NAALADL2: variants seen among roughly 807,000 people sequenced by gnomAD.
NAALADL2 encodes the protein inactive N-acetylated-alpha-linked acidic dipeptidase-like protein 2.
A neutral mutation model predicts 87.2 loss-of-function variants in NAALADL2; 76 were observed. The observed-to-expected ratio is 0.87, with a 90% CI of 0.72 to 1.05. NAALADL2 has a LOEUF of 1.05. Ranked by LOEUF, NAALADL2 falls within the 50% of genes least tolerant of loss-of-function variation. The pLI, the probability that NAALADL2 is intolerant of heterozygous loss-of-function variation, is 0.00. For synonymous variants in NAALADL2, 354 were observed against 331.0 expected (o/e 1.07, Z -0.75); for missense variants, 1,089 against 945.8 (o/e 1.15, Z -1.99).
intron 1 of NAALADL2, among the ~76,000 whole-genome samples, chr3:174,541,950 G>A (rs926698712): frequency 1.3e-5 from 2 of 152,136 alleles, no homozygotes; most frequent in African/African-American, 4.8e-5. Context: ...ACTACTTCTT[G>A]CAGAGCAGGG....
rs544352861 is a variant in NAALADL2, at chr3:175,471,088, T to A, written c.1534-551T>A. On this transcript the variant is annotated intron_variant, in intron 8 of 13. Coordinates refer to ENST00000454872, the MANE Select transcript of NAALADL2 (RefSeq NM_207015.3). Reference sequence around the variant, plus strand: ...TAAAATTTGACTTTTGTCAGGAACATGCTTTAATATATTTTATTATATATC... The same window carrying A: ...TAAAATTTGACTTTTGTCAGGAACAAGCTTTAATATATTTTATTATATATC... Among the ~76,000 whole-genome samples, 21 of 152,284 alleles carry A rather than the reference T, an allele frequency of 1.4e-4. No homozygotes were observed. In the East Asian group the frequency reaches 4.1e-3, roughly 29 times the overall value.
intron 1 of NAALADL2, among the ~76,000 whole-genome samples, chr3:174,452,685 C>G (rs1372153531): frequency 6.6e-6 from 1 of 151,974 alleles, no homozygotes; most frequent in Non-Finnish European, 1.5e-5. Flanking sequence ...CCTTAAAATC[C>G]TCCAGAAGCC....
At chr3:175,607,720 AGACGTT>A in intron 10 of NAALADL2, among the ~76,000 whole-genome samples, 1 of 152,172 alleles carries the variant, frequency 6.6e-6, no homozygotes, top group Non-Finnish European at 1.5e-5. Context: ...AAAAGAGGGA[AGACGTT>A]GACTCTTAAT....
rs527573658 is a variant in NAALADL2, at chr3:174,537,532, G to A, written c.-183-13037G>A. Among the ~76,000 whole-genome samples, 3 of 152,258 alleles carry A rather than the reference G, an allele frequency of 2.0e-5. No homozygotes were observed. The East Asian group carries it at 5.8e-4, about 29-fold the overall frequency. On this transcript the variant is annotated intron_variant, in intron 1 of 3. Transcript: ENST00000434257. ...TTGAAGACATGATTGCGAAGAATAT[G>A]TACCTACTCTTGAGGAGTTTAAAGT...
chr3:175,052,478 A>G (rs1242089905), intron 1 of NAALADL2, among the ~76,000 whole-genome samples: 1 of 152,336 alleles, frequency 6.6e-6, no homozygotes, highest in East Asian at 1.9e-4. Context: ...TGGAGGAGTC[A>G]GGATCCACAT....
chr3:174,911,124 T>G (rs1733641371), intron 1 of NAALADL2, among the ~76,000 whole-genome samples: 1 of 152,096 alleles, frequency 6.6e-6, no homozygotes, highest in Non-Finnish European at 1.5e-5. Flanking sequence ...AAGAACGTAT[T>G]TTCTGAAGTG....
chr3:175,772,576 AC>A (rs1400274612), intron 13 of NAALADL2, among the ~76,000 whole-genome samples: 1 of 152,166 alleles, frequency 6.6e-6, no homozygotes, highest in Non-Finnish European at 1.5e-5. Flanking sequence ...AATCAGACTC[AC>A]AATACTCATC....
intron 5 of NAALADL2, among the ~76,000 whole-genome samples, chr3:175,428,310 T>C (rs576319658): frequency 6.6e-6 from 1 of 152,124 alleles, no homozygotes; most frequent in Non-Finnish European, 1.5e-5. Flanking sequence ...GAAACTCCTT[T>C]GGTACATAAT....
chr3:175,787,666 C>G (rs993429039), intron 13 of NAALADL2, among the ~76,000 whole-genome samples: 7 of 152,192 alleles, frequency 4.6e-5, no homozygotes, highest in East Asian at 3.9e-4. Context: ...AGAAATCACC[C>G]GTCTTCTGCG....
rs1468182167 is a variant in NAALADL2, at chr3:175,804,601, CTCTA to C, written c.*1403_*1406del. ...CCTCAGAGTATTTCATATAAATTTT[CTCTA>C]TCTAATTCAAACATATCTCCCCATG... On this transcript the variant is annotated 3_prime_UTR_variant, in exon 14 of 14. Coordinates refer to ENST00000454872, the MANE Select transcript of NAALADL2 (RefSeq NM_207015.3). 1 of 151,766 alleles carries C rather than the reference CTCTA, an allele frequency of 6.6e-6. No individual in the cohort carries two copies. Among genetic ancestry groups the C allele is most frequent in the East Asian group, 1.9e-4 (1 of 5,168 alleles). 9.4% of individuals were successfully genotyped at this position (151,766 alleles called of 1,614,324 possible).
At chr3:175,225,166 C>T (rs925496511) in intron 2 of NAALADL2, among the ~76,000 whole-genome samples, 3 of 151,980 alleles carry the variant, frequency 2.0e-5, no homozygotes, top group African/African-American at 4.8e-5. Flanking sequence ...TTTGCATTGT[C>T]GCAGAGAGAT....
At chr3:175,585,741 AT>A (rs1364051687) in intron 10 of NAALADL2, among the ~76,000 whole-genome samples, 2 of 152,144 alleles carry the variant, frequency 1.3e-5, no homozygotes, top group Non-Finnish European at 2.9e-5. Flanking sequence ...TTAAAAAAAA[AT>A]AAAGATATGA....
intron 9 of NAALADL2, among the ~76,000 whole-genome samples, chr3:175,489,871 G>C (rs1727802454): frequency 6.6e-6 from 1 of 152,124 alleles, no homozygotes; most frequent in African/African-American, 2.4e-5. Context: ...AGAAGTAATA[G>C]TCTCTACATT....
chr3:174,487,134 TAA>T (rs949213440), intron 1 of NAALADL2, among the ~76,000 whole-genome samples: 3 of 152,144 alleles, frequency 2.0e-5, no homozygotes, highest in Admixed American at 2.0e-4. Flanking sequence ...AATCAGTATG[TAA>T]TAGTTACAAA....
Position 175,364,027 on chromosome 3 carries a change from T to C in NAALADL2, c.1090+39702T>C, listed in dbSNP as rs754031759. 2.7e-5 allele frequency among the ~76,000 whole-genome samples: 4 copies of C among 147,968 alleles called. 1 individual carries two copies. Among genetic ancestry groups the C allele is most frequent in the Non-Finnish European group, 6.0e-5 (4 of 66,444 alleles). ...TCATTAGGATTTGAAGCAGTTATAG[T>C]TGTGATTTCTGGTAGCTGTATTTCA... On this transcript the variant is annotated intron_variant, in intron 5 of 13. Coordinates refer to ENST00000454872, the MANE Select transcript of NAALADL2 (RefSeq NM_207015.3).
intron 2 of NAALADL2, among the ~76,000 whole-genome samples, chr3:174,598,334 C>A (rs1393983616): frequency 6.6e-6 from 1 of 152,120 alleles, no homozygotes; most frequent in African/African-American, 2.4e-5. Context: ...TACTCTGCAT[C>A]AATTTTTAAT....
chr3:175,056,448 C>T (rs929425288), intron 1 of NAALADL2, among the ~76,000 whole-genome samples: 2 of 152,158 alleles, frequency 1.3e-5, no homozygotes, highest in South Asian at 2.1e-4. Context: ...TCCACATTCT[C>T]CAACCATCTC....
At chr3:175,073,756 G>A (rs1716076508) in intron 1 of NAALADL2, among the ~76,000 whole-genome samples, 1 of 152,060 alleles carries the variant, frequency 6.6e-6, no homozygotes, top group Non-Finnish European at 1.5e-5. Flanking sequence ...GAACGGAGTA[G>A]AAACTAGTGG....
At chr3:174,493,662 AAG>A (rs1418145707) in intron 1 of NAALADL2, among the ~76,000 whole-genome samples, 1 of 152,224 alleles carries the variant, frequency 6.6e-6, no homozygotes, top group Non-Finnish European at 1.5e-5. Flanking sequence ...TAGAAAGTAA[AAG>A]GGAAAAAAAT....
Sources: gnomAD v4.1 joint callset for allele counts (sites outside exome capture counted in the v4.1 genomes callset) on GRCh38, gnomAD v4.1.1 for gene constraint, MANE v1.5 for transcripts, NCBI Gene and HGNC (gene_info 2026-07-23, HGNC 2026-07-21) for gene names.